Variants in STAU2 observed in about 807,000 individuals in gnomAD.
The protein encoded by STAU2 is staufen double-stranded RNA binding protein 2.
In STAU2, 20 loss-of-function variants were observed where a neutral mutation model predicts 65.9. The ratio of observed to expected loss-of-function variants is 0.30; its 90% CI spans 0.21 to 0.44. The LOEUF is 0.44. Among genes scored for constraint, STAU2 ranks in the 20% least tolerant of loss-of-function variants. The probability of loss-of-function intolerance (pLI) is 1.00; values close to 1 mark genes in which losing one functional copy is unlikely to be tolerated. For missense variants in STAU2, 558 were observed against 683.9 expected (o/e 0.82, Z 2.05); for synonymous variants, 232 against 233.9 (o/e 0.99, Z 0.07).
At chr8:73,636,781 T>C (rs896943588) in intron 6 of STAU2, among the ~76,000 whole-genome samples, 3 of 151,216 alleles carry the variant, frequency 2.0e-5, no homozygotes, top group Non-Finnish European at 4.4e-5. Flanking sequence ...GAGAATCGCT[T>C]GAACCTGGGA....
chr8:73,603,908 C>G (rs551302554), intron 9 of STAU2, 45 bp from the exon 10 acceptor site: 3 of 1,557,166 alleles, frequency 1.9e-6, no homozygotes, highest in South Asian at 1.2e-5. Context: ...GCTTGTGAAA[C>G]CTGTTATTGA....
intron 6 of STAU2, among the ~76,000 whole-genome samples, chr8:73,662,761 C>A (rs1228864968): frequency 1.3e-5 from 2 of 152,120 alleles, no homozygotes; most frequent in African/African-American, 4.8e-5. Context: ...GGGTTACAGG[C>A]ATGCGCCACC....
At chr8:73,665,178 CTAATTTAACATTAATGTTAA>C (rs998104194) in intron 6 of STAU2, among the ~76,000 whole-genome samples, 55 of 152,000 alleles carry the variant, frequency 3.6e-4, no homozygotes, top group East Asian at 5.8e-4. Flanking sequence ...AAAAAAAATC[CTAATTTAACATTAATGTTAA>C]TAATTTAACA....
At chr8:73,675,500 C>CCT (rs1260905740) in intron 5 of STAU2, 6 of 152,118 alleles carry the variant, frequency 3.9e-5, no homozygotes, top group African/African-American at 1.4e-4. Flanking sequence ...CTGGCATACT[C>CCT]CTCACCGCAT....
chr8:73,443,518 G>C (rs1818310669), intron 13 of STAU2, among the ~76,000 whole-genome samples: 1 of 152,182 alleles, frequency 6.6e-6, no homozygotes, highest in African/African-American at 2.4e-5. Context: ...TGAGCCCCAA[G>C]GGAAATCAGG....
chr8:73,709,113 A>T lies in STAU2; in HGVS notation c.33T>A (p.Cys11Ter). Reference sequence around the variant, plus strand: ...TGAAACGGGCTAACTCATTTACCAGACACATTGCAGTTTTCTCTTTTGGGT... The same window carrying T: ...TGAAACGGGCTAACTCATTTACCAGTCACATTGCAGTTTTCTCTTTTGGGT... MANPKEKTAM[C>*]LVNELARFNR... The change falls in exon 4 of 15, where the codon TGT becomes TGA. Residue 11 changes from cysteine to a stop codon, truncating the protein, a stop_gained. Transcript: ENST00000524300. LOFTEE classifies it high-confidence loss of function. 1 of 1,533,242 alleles carries T rather than the reference A, an allele frequency of 6.5e-7. No individual in the cohort carries two copies. The allele number at this position is 1,533,242 out of a possible 1,614,324, so 95.0% of individuals were successfully genotyped here. A position where few individuals can be genotyped will look rare whatever the true frequency, so the allele number is the denominator to read the frequency against.
intron 13 of STAU2, among the ~76,000 whole-genome samples, chr8:73,478,046 A>AT (rs1182408878): frequency 0.038 from 5,608 of 149,018 alleles, 311 homozygotes; most frequent in African/African-American, 0.12. Context: ...ATATATATAT[A>AT]TTTTTTTTTG....
At chr8:73,656,587 G>A (rs1159404559) in intron 6 of STAU2, among the ~76,000 whole-genome samples, 1 of 152,140 alleles carries the variant, frequency 6.6e-6, no homozygotes, top group Non-Finnish European at 1.5e-5. Flanking sequence ...GTCCAAAAGG[G>A]TAGAAAACAT....
rs1329769811 is a variant in STAU2, at chr8:73,744,192, A to T, written c.-197+2591T>A. On this transcript the variant is annotated intron_variant, in intron 1 of 14. Coordinates refer to ENST00000524300, the MANE Select transcript of STAU2 (RefSeq NM_001164380.2). The stretch of plus-strand genomic sequence containing the variant: ...CAACATAATGGCAAAGCTCCTATAT[A>T]GAACTTGGGGAGGATTATTTAAAAT... 3.9e-5 allele frequency among the ~76,000 whole-genome samples: 6 copies of T among 152,328 alleles called. No homozygotes were observed. The South Asian group carries it at 1.0e-3, about 26-fold the overall frequency.
chr8:73,588,104 T>C (rs964922466), intron 11 of STAU2, among the ~76,000 whole-genome samples: 3 of 152,204 alleles, frequency 2.0e-5, no homozygotes, highest in Non-Finnish European at 2.9e-5. Flanking sequence ...CACTTTTCCT[T>C]AGAATCTGGA....
chr8:73,630,920 T>C (rs1226276471), intron 6 of STAU2, among the ~76,000 whole-genome samples: 3 of 152,210 alleles, frequency 2.0e-5, no homozygotes, highest in Non-Finnish European at 2.9e-5. Flanking sequence ...TTAGCTGTGG[T>C]TATGCTGGCA....
intron 13 of STAU2, among the ~76,000 whole-genome samples, chr8:73,493,187 T>C (rs1470171747): frequency 6.6e-6 from 1 of 151,824 alleles, no homozygotes; most frequent in Non-Finnish European, 1.5e-5. Flanking sequence ...AGCTTTTAGA[T>C]GAAATCAAAA....
At chr8:73,546,290 C>T (rs1048676106) in intron 13 of STAU2, among the ~76,000 whole-genome samples, 1 of 151,978 alleles carries the variant, frequency 6.6e-6, no homozygotes, top group East Asian at 1.9e-4. Flanking sequence ...TCTTAAATGG[C>T]TTACTCAGTT....
At chr8:73,648,443 C>T (rs763174880) in intron 6 of STAU2, among the ~76,000 whole-genome samples, 20 of 152,140 alleles carry the variant, frequency 1.3e-4, no homozygotes, top group Non-Finnish European at 2.2e-4. Flanking sequence ...TCTGTTTCTT[C>T]GTAACTAAAA....
intron 6 of STAU2, among the ~76,000 whole-genome samples, chr8:73,633,582 G>T (rs1214304833): frequency 6.6e-6 from 1 of 152,140 alleles, no homozygotes; most frequent in Non-Finnish European, 1.5e-5. Context: ...CTGACCTTGA[G>T]GCGGCTACAA....
chr8:73,702,656 A>G (rs565712710), intron 4 of STAU2, among the ~76,000 whole-genome samples: 29 of 152,274 alleles, frequency 1.9e-4, no homozygotes, highest in African/African-American at 7.0e-4. Context: ...ACAATTATAA[A>G]CATATGCACC....
chr8:73,630,289 G>C (rs1813992139), intron 6 of STAU2, among the ~76,000 whole-genome samples: 1 of 152,162 alleles, frequency 6.6e-6, no homozygotes, highest in Non-Finnish European at 1.5e-5. Context: ...TCTTATTCCA[G>C]GATGCACACT....
chr8:73,554,186 C>T (rs1397811405), intron 12 of STAU2, among the ~76,000 whole-genome samples: 1 of 152,158 alleles, frequency 6.6e-6, no homozygotes, highest in South Asian at 2.1e-4. Flanking sequence ...AAGACTGAAG[C>T]CAATTCTTCA....
At chr8:73,636,280 G>A (rs766002554) in intron 6 of STAU2, among the ~76,000 whole-genome samples, 1 of 152,082 alleles carries the variant, frequency 6.6e-6, no homozygotes, top group Non-Finnish European at 1.5e-5. Flanking sequence ...AGGAGGCGGA[G>A]GTGGGGGGAT....
Sources: allele counts gnomAD v4.1 joint callset (sites outside exome capture counted in the v4.1 genomes callset), GRCh38; gene constraint gnomAD v4.1.1; transcripts MANE v1.5; gene names NCBI Gene and HGNC (gene_info 2026-07-23, HGNC 2026-07-21).